USF3: variants seen among roughly 807,000 people sequenced by gnomAD.
USF3 encodes the protein basic helix-loop-helix domain-containing protein USF3.
In USF3, 29 loss-of-function variants were observed where a neutral mutation model predicts 157.5. The observed-to-expected ratio is 0.18, with a 90% CI of 0.14 to 0.25. USF3 has a LOEUF of 0.25. Ranked by LOEUF, USF3 falls within the 10% of genes least tolerant of loss-of-function variation. The pLI, the probability that USF3 is intolerant of heterozygous loss-of-function variation, is 1.00. For synonymous variants in USF3, 893 were observed against 941.4 expected (o/e 0.95, Z 0.94); for missense variants, 2,381 against 2,667.6 (o/e 0.89, Z 2.37).
At chr3:113,672,600 T>C (rs1485590409) in intron 4 of USF3, among the ~76,000 whole-genome samples, 6 of 152,162 alleles carry the variant, frequency 3.9e-5, no homozygotes, top group African/African-American at 1.4e-4. Flanking sequence ...GTAGATTTTG[T>C]AATGCATGGA....
At position 113,653,046 on chromosome 3, in the gene USF3, A is replaced by G. The variant is rs539596457; in HGVS notation, c.*1898T>C. The G allele has an allele frequency of 1.3e-4, 51 of 399,924 alleles. No individual in the cohort carries two copies. Among genetic ancestry groups the G allele is most frequent in the East Asian group, 1.2e-3 (19 of 16,078 alleles). The allele number at this position is 399,924 out of a possible 1,614,324, so 24.8% of individuals were successfully genotyped here. On this transcript the variant is annotated 3_prime_UTR_variant, in exon 7 of 7. Transcript: ENST00000316407. ...CTAACGACACTCCAGCCTGGGTGAC[A>G]GAGTCTCAAAAAAAAAAGAAAAGAA...
At position 113,657,319 on chromosome 3, in the gene USF3, T is replaced by A. The variant is rs1188814510; in HGVS notation, c.4363A>T (p.Ser1455Cys). 6.2e-7 allele frequency: 1 copy of A among 1,613,480 alleles called. No individual in the cohort carries two copies. The highest frequency in any genetic ancestry group is 8.5e-7 in the Non-Finnish European group (1 of 1,179,806). ...TGCTGCTTTATGTAGAGATGGTTAC[T>A]ATGAAGGTGAGATACACCTTGAGCT... The part of the protein sequence containing the change: ...VPAQGVSHLH[S>C]NHLYIKQQQQ... Residue 1455 changes from serine to cysteine, a missense_variant, in exon 7 of 7, where the codon AGT becomes TGT. Ser to Cys is a moderately radical substitution (Grantham distance 112). Transcript: ENST00000316407.
chr3:113,687,505 C>T (rs1201211430), intron 1 of USF3, among the ~76,000 whole-genome samples: 1 of 151,654 alleles, frequency 6.6e-6, no homozygotes, highest in Non-Finnish European at 1.5e-5. Flanking sequence ...GTCTATTAAC[C>T]CATGTACAGA....
intron 5 of USF3, among the ~76,000 whole-genome samples, chr3:113,667,599 GC>G (rs1173776530): frequency 6.6e-6 from 1 of 152,182 alleles, no homozygotes; most frequent in Non-Finnish European, 1.5e-5. Flanking sequence ...CATACATGGA[GC>G]CGGGCATTGT....
chr3:113,655,467 C>T lies in USF3; in HGVS notation c.6215G>A (p.Gly2072Asp), dbSNP rs372772175. ...NFGFSFIPEG[G>D]MNPPINANAS... ...ATTAGCATTTATTGGTGGATTCATG[C>T]CACCCTCAGGAATAAAAGAAAAACC... Residue 2072 changes from glycine to aspartate, a missense_variant, in exon 7 of 7, where the codon GGC (glycine) becomes GAC (aspartate). Gly to Asp is a moderately conservative substitution (Grantham distance 94). Coordinates refer to ENST00000316407, the MANE Select transcript of USF3 (RefSeq NM_001009899.4). The T allele has an allele frequency of 6.2e-7, 1 of 1,614,000 alleles. No individual in the cohort carries two copies. Among genetic ancestry groups the T allele is most frequent in the Admixed American group, 1.7e-5 (1 of 60,004 alleles).
Position 113,657,071 on chromosome 3 carries a change from G to T in USF3, c.4611C>A (p.Ser1537=). ...CAGTTCCATGGTGCTTTGGTTGTAA[G>T]GAAAGCTGAGAGGTCTGGGTGCCCT... ...LVQGTQTSQL[S]LQPKHHGTDQ... Residue 1537 remains serine, a synonymous_variant, in exon 7 of 7, where the codon TCC becomes TCA. Coordinates refer to ENST00000316407, the MANE Select transcript of USF3 (RefSeq NM_001009899.4). 1 of 1,614,122 alleles carries T rather than the reference G, an allele frequency of 6.2e-7. No individual in the cohort carries two copies. Among genetic ancestry groups the T allele is most frequent in the Non-Finnish European group, 8.5e-7 (1 of 1,180,008 alleles).
Position 113,660,526 on chromosome 3 carries a change from T to C in USF3, c.1156A>G (p.Ile386Val), listed in dbSNP as rs759945257. The C allele has an allele frequency of 4.3e-6, 7 of 1,614,046 alleles. No individual in the cohort carries two copies. The Admixed American group carries it at 5.0e-5, about 12-fold the overall frequency. The change falls in exon 7 of 7, where the codon ATA (isoleucine) becomes GTA (valine). Residue 386 changes from isoleucine (I) to valine (V), a missense_variant. Coordinates refer to ENST00000316407, the MANE Select transcript of USF3 (RefSeq NM_001009899.4). Reference protein sequence around the residue: ...APGVGKATIPISTLSGNPLDN... With the variant: ...APGVGKATIPVSTLSGNPLDN... Reference sequence around the variant, plus strand: ...AAAGGGTTTCCCGAAAGAGTGCTTATAGGAATGGTGGCCTTCCCTACTCCA... The same window carrying C: ...AAAGGGTTTCCCGAAAGAGTGCTTACAGGAATGGTGGCCTTCCCTACTCCA...
rs1947423540 is a variant in USF3 at position 113,658,951 on chromosome 3, C to G, written c.2731G>C (p.Asp911His). Reference sequence around the variant, plus strand: ...TCTTGTTGTAGATTAGGGGTAGAATCTTTGGATTTTGCTGCGGCCATTGCA... The same window carrying G: ...TCTTGTTGTAGATTAGGGGTAGAATGTTTGGATTTTGCTGCGGCCATTGCA... ...HFAMAAAKSK[D>H]STPNLQQETS... Residue 911 changes from aspartate (D) to histidine (H), a missense_variant, in exon 7 of 7, where the codon GAT becomes CAT. By Grantham distance (81) the Asp-to-His change is moderately conservative. This residue lies in a region of USF3 where 1,435 missense variants were observed against 1,550.9 expected (regional missense o/e 0.93). Transcript: ENST00000316407. The G allele has an allele frequency of 6.2e-7, 1 of 1,614,116 alleles. No homozygotes were observed. The highest frequency in any genetic ancestry group is 1.7e-5 in the Admixed American group (1 of 60,004).
At position 113,653,053 on chromosome 3, in the gene USF3, C is replaced by CAAA; in HGVS notation, c.*1888_*1890dup. 1 of 301,872 alleles carries CAAA rather than the reference C, an allele frequency of 3.3e-6. No individual in the cohort carries two copies. The highest frequency in any genetic ancestry group is 8.0e-5 in the East Asian group (1 of 12,514). The allele number at this position is 301,872 out of a possible 1,614,324, so 18.7% of individuals were successfully genotyped here. ...CACTCCAGCCTGGGTGACAGAGTCT[C>CAAA]AAAAAAAAAAGAAAAGAAGAAAGAA... On this transcript the variant is annotated 3_prime_UTR_variant, in exon 7 of 7. Transcript: ENST00000316407.
intron 1 of USF3, among the ~76,000 whole-genome samples, chr3:113,690,536 T>C (rs891727992): frequency 6.6e-6 from 1 of 152,168 alleles, no homozygotes; most frequent in Non-Finnish European, 1.5e-5. Context: ...ACAACACACA[T>C]AAAAGCAGGT....
chr3:113,658,430 G>C lies in USF3; in HGVS notation c.3252C>G (p.Ala1084=), dbSNP rs369937735. Residue 1084 remains alanine, a synonymous_variant, in exon 7 of 7, where the codon GCC becomes GCG. Coordinates refer to ENST00000316407, the MANE Select transcript of USF3 (RefSeq NM_001009899.4). ...CAGAGCTGGTTGACATGGGAGAGTC[G>C]GCCTGTCTACCGTTGATCAAAGAAC... ...INGSLINGRQ[A]DSPMSTSSGS... 2 of 1,614,016 alleles carry C rather than the reference G, an allele frequency of 1.2e-6. No homozygotes were observed. The highest frequency in any genetic ancestry group is 1.1e-5 in the South Asian group (1 of 91,080).
At position 113,660,824 on chromosome 3, in the gene USF3, T is replaced by A; in HGVS notation, c.858A>T (p.Gly286=). The part of the protein sequence containing the change: ...NDQNSSENKN[G]QENPKVLKKM... The stretch of plus-strand genomic sequence containing the variant: ...TCTTCAATACTTTGGGGTTCTCTTG[T>A]CCATTCTTATTTTCAGAAGAATTTT... The change falls in exon 7 of 7, where the codon GGA becomes GGT. Residue 286 remains glycine (G), a synonymous_variant. Coordinates refer to ENST00000316407, the MANE Select transcript of USF3 (RefSeq NM_001009899.4). 6.2e-7 allele frequency: 1 copy of A among 1,614,206 alleles called. No individual in the cohort carries two copies. Among genetic ancestry groups the A allele is most frequent in the Non-Finnish European group, 8.5e-7 (1 of 1,180,034 alleles).
intron 3 of USF3, among the ~76,000 whole-genome samples, chr3:113,674,194 G>C (rs909669548): frequency 1.3e-5 from 2 of 152,126 alleles, no homozygotes; most frequent in African/African-American, 2.4e-5. Flanking sequence ...ACACTGACTA[G>C]AGCCTAAATC....
At position 113,652,108 on chromosome 3, in the gene USF3, A is replaced by AGTGTGTGTGTGTGTGTGT. The variant is rs5851904; in HGVS notation, c.*2818_*2835dup. On this transcript the variant is annotated 3_prime_UTR_variant, in exon 7 of 7. Transcript: ENST00000316407. ...TGGAGAGAGAGAGAGAGAGAGAGAG[A>AGTGTGTGTGTGTGTGTGT]GTGTGTGTGTGTGTGTGTGTGTGTG... is the stretch of plus-strand genomic sequence containing the variant. The AGTGTGTGTGTGTGTGTGT allele has an allele frequency of 7.0e-6, 1 of 141,978 alleles. No individual in the cohort carries two copies. The highest frequency in any genetic ancestry group is 2.6e-5 in the African/African-American group (1 of 38,276). The allele number at this position is 141,978 out of a possible 1,614,324, so 8.8% of individuals were successfully genotyped here. A position where few individuals can be genotyped will look rare whatever the true frequency, so the allele number is the denominator to read the frequency against.
chr3:113,670,359 G>C, intron 4 of USF3, 156 bp from the exon 5 acceptor site: 1 of 608,202 alleles, frequency 1.6e-6, no homozygotes, highest in Non-Finnish European at 3.0e-6. Flanking sequence ...AGCATTTTGG[G>C]AGGCCAAGGC....
chr3:113,692,843 A>T (rs963949333), intron 1 of USF3, among the ~76,000 whole-genome samples: 2 of 152,242 alleles, frequency 1.3e-5, no homozygotes, highest in Non-Finnish European at 2.9e-5. Flanking sequence ...AAAATTATCC[A>T]ATTGGACAGT....
In USF3 at chr3:113,655,711, G is replaced by C. The variant is rs200190750; in HGVS notation, c.5971C>G (p.Arg1991Gly). 9.3e-6 allele frequency: 15 copies of C among 1,613,714 alleles called. No individual in the cohort carries two copies. The South Asian group carries it at 1.2e-4, about 13-fold the overall frequency. ...PLQDSSGSKI[R>G]QPERNRSGNQ... is the part of the protein sequence containing the mutation. Reference sequence around the variant, plus strand: ...CCAGAACGATTCCTTTCAGGCTGACGAATTTTGGAACCACTGCTGTCTTGC... The same window carrying C: ...CCAGAACGATTCCTTTCAGGCTGACCAATTTTGGAACCACTGCTGTCTTGC... The change falls in exon 7 of 7, where the codon CGT becomes GGT. Residue 1991 changes from arginine to glycine, a missense_variant. Physicochemically the swap from Arg to Gly is moderately radical, Grantham distance 125. This residue lies in a region of USF3 where 770 missense variants were observed against 824.2 expected (regional missense o/e 0.93). Coordinates refer to ENST00000316407, the MANE Select transcript of USF3 (RefSeq NM_001009899.4).
chr3:113,659,783 A>G lies in USF3; in HGVS notation c.1899T>C (p.Leu633=). The change falls in exon 7 of 7, where the codon CTT becomes CTC. Residue 633 remains leucine (L), a synonymous_variant. Transcript: ENST00000316407. ...ATGAAGGTCTTGGTAATATGTGGAC[A>G]AGATGCTTTCCTCCAAAAGTCTGTG... ...PTPQTFGGKH[L]VHILPRPSSL... The G allele has an allele frequency of 6.2e-7, 1 of 1,614,268 alleles. No individual in the cohort carries two copies. Among genetic ancestry groups the G allele is most frequent in the South Asian group, 1.1e-5 (1 of 91,088 alleles).
rs1052381254 is a variant in USF3 at position 113,655,439 on chromosome 3, A to G, written c.6243T>C (p.Ala2081=). ...GCTGAGTAACCTGTGGAATGAAAGAAGCATTAGCATTTATTGGTGGATTCA... is the reference window on the plus strand; with the variant it reads ...GCTGAGTAACCTGTGGAATGAAAGAGGCATTAGCATTTATTGGTGGATTCA... The part of the protein sequence containing the change: ...GGMNPPINAN[A]SFIPQVTQPS... The change falls in exon 7 of 7, where the codon GCT becomes GCC. Residue 2081 remains alanine (A), a synonymous_variant. Transcript: ENST00000316407. 3 of 1,614,082 alleles carry G rather than the reference A, an allele frequency of 1.9e-6. No homozygotes were observed. The African/African-American group carries it at 4.0e-5, about 22-fold the overall frequency.
Sources: allele counts gnomAD v4.1 joint callset (sites outside exome capture counted in the v4.1 genomes callset), GRCh38; gene constraint gnomAD v4.1.1; regional missense constraint gnomAD v4.1.1; transcripts MANE v1.5; gene names NCBI Gene and HGNC (gene_info 2026-07-23, HGNC 2026-07-21).